The following UQCC1 variants were observed in gnomAD, a reference collection of about 807,000 sequenced individuals.
The protein encoded by UQCC1 is bFGF-repressed Zic-binding protein.
UQCC1 carries 38 observed loss-of-function variants against 48.0 expected under a neutral mutation model. The ratio of observed to expected loss-of-function variants is 0.79; its 90% confidence interval spans 0.61 to 1.04. UQCC1 has a LOEUF of 1.04. UQCC1 is among the 50% of genes least tolerant of loss of function. The probability of loss-of-function intolerance (pLI) is 0.00; values close to 1 mark genes in which losing one functional copy is unlikely to be tolerated. For synonymous variants in UQCC1, 111 were observed against 129.2 expected (o/e 0.86, Z 0.95); for missense variants, 368 against 381.8 (o/e 0.96, Z 0.30).
intron 7 of UQCC1, among the ~76,000 whole-genome samples, chr20:35,326,518 C>T (rs368454311): frequency 6.6e-6 from 1 of 152,182 alleles, no homozygotes; most frequent in Non-Finnish European, 1.5e-5. Context: ...GCCCGGCAGG[C>T]GTCTCCAGTG....
chr20:35,339,929 G>A (rs979464929), intron 7 of UQCC1, among the ~76,000 whole-genome samples: 2 of 152,062 alleles, frequency 1.3e-5, no homozygotes, highest in Non-Finnish European at 2.9e-5. Flanking sequence ...ACCATTTGAA[G>A]TTCCAGATAT....
chr20:35,358,302 C>T (rs996709625), intron 6 of UQCC1, among the ~76,000 whole-genome samples: 3 of 133,742 alleles, frequency 2.2e-5, no homozygotes, highest in South Asian at 2.4e-4. Context: ...AGCAGTGAGC[C>T]GAGACTGTGC....
At chr20:35,339,298 C>A (rs1263679467) in intron 7 of UQCC1, among the ~76,000 whole-genome samples, 1 of 152,138 alleles carries the variant, frequency 6.6e-6, no homozygotes, top group Admixed American at 6.5e-5. Context: ...CTTATCCCAT[C>A]TAACAGGAGT....
intron 7 of UQCC1, among the ~76,000 whole-genome samples, chr20:35,339,239 T>C (rs1055094060): frequency 6.6e-6 from 1 of 151,954 alleles, no homozygotes; most frequent in Non-Finnish European, 1.5e-5. Context: ...CATATTTGAG[T>C]AGTGACTACG....
intron 7 of UQCC1, among the ~76,000 whole-genome samples, chr20:35,330,047 C>T (rs1350220840): frequency 1.3e-5 from 2 of 152,208 alleles, no homozygotes; most frequent in Non-Finnish European, 2.9e-5. Context: ...AGTTCACTCA[C>T]TCATTCACCA....
intron 1 of UQCC1, 138 bp from the exon 2 acceptor site, chr20:35,394,334 C>T: frequency 6.8e-6 from 5 of 730,356 alleles, no homozygotes; most frequent in Non-Finnish European, 1.1e-5. Context: ...CACAGAGCTC[C>T]TAAAACCCTT....
At chr20:35,325,311 T>A (rs550730507) in intron 7 of UQCC1, among the ~76,000 whole-genome samples, 1 of 152,352 alleles carries the variant, frequency 6.6e-6, no homozygotes, top group South Asian at 2.1e-4. Context: ...TGCCACTGAA[T>A]TGAGCATTTA....
intron 2 of UQCC1, among the ~76,000 whole-genome samples, chr20:35,387,365 C>T (rs1028663638): frequency 2.6e-5 from 4 of 152,086 alleles, no homozygotes; most frequent in Non-Finnish European, 4.4e-5. Context: ...CAAACTCAAG[C>T]GATTCTTGAA....
At chr20:35,367,505 T>A (rs2061683259) in intron 5 of UQCC1, among the ~76,000 whole-genome samples, 2 of 152,130 alleles carry the variant, frequency 1.3e-5, no homozygotes, top group South Asian at 4.1e-4. Context: ...ACACTTGTAA[T>A]CCCAGCACTT....
intron 7 of UQCC1, among the ~76,000 whole-genome samples, chr20:35,325,973 C>T (rs185565874): frequency 4.6e-5 from 7 of 152,052 alleles, no homozygotes; most frequent in Non-Finnish European, 4.4e-5. Context: ...TGGCCCTGAA[C>T]GCCAGCCACA....
rs1459454473 is a variant in UQCC1, at chr20:35,330,032, CTG to C, written c.574-15269_574-15268del. ...AAGAAGATAGGGTTAGGAATAGACT[CTG>C]TGAGTTCACTCACTCATTCACCATT... On this transcript the variant is annotated intron_variant, in intron 7 of 9. Coordinates refer to ENST00000374385, the MANE Select transcript of UQCC1 (RefSeq NM_018244.5). Among the ~76,000 whole-genome samples the C allele has an allele frequency of 3.3e-5, 5 of 152,214 alleles. No individual in the cohort carries two copies. The East Asian group carries it at 9.6e-4, about 29-fold the overall frequency.
intron 6 of UQCC1, among the ~76,000 whole-genome samples, chr20:35,355,403 A>T (rs907616773): frequency 4.6e-5 from 7 of 152,228 alleles, no homozygotes; most frequent in African/African-American, 1.7e-4. Flanking sequence ...TACAACATTC[A>T]GCTAATTAAA....
At chr20:35,356,085 C>T (rs943194183) in intron 6 of UQCC1, among the ~76,000 whole-genome samples, 2 of 152,136 alleles carry the variant, frequency 1.3e-5, no homozygotes, top group Admixed American at 6.5e-5. Context: ...GATGGGGTTT[C>T]GCCACGTTGC....
rs192651775 is a variant in UQCC1 at position 35,313,987 on chromosome 20, C to T, written c.651+701G>A. 5.3e-5 allele frequency among the ~76,000 whole-genome samples: 8 copies of T among 151,996 alleles called. 1 individual carries two copies. Among genetic ancestry groups the T allele is most frequent in the East Asian group, 3.9e-4 (2 of 5,172 alleles). On this transcript the variant is annotated intron_variant, in intron 8 of 9. Coordinates refer to ENST00000374385, the MANE Select transcript of UQCC1 (RefSeq NM_018244.5). ...TTTATTTATTTATCTTTTTTTGAGA[C>T]GGAGTCTCACTCTGTCACCCAGGCT... is the stretch of plus-strand genomic sequence containing the variant.
intron 6 of UQCC1, among the ~76,000 whole-genome samples, chr20:35,361,109 T>C (rs929535790): frequency 2.0e-5 from 3 of 152,066 alleles, no homozygotes; most frequent in African/African-American, 4.8e-5. Flanking sequence ...CAGTCTTTTT[T>C]CAGTGGACAT....
At chr20:35,370,387 A>G (rs576375964) in intron 5 of UQCC1, among the ~76,000 whole-genome samples, 1 of 152,168 alleles carries the variant, frequency 6.6e-6, no homozygotes, top group Admixed American at 6.5e-5. Flanking sequence ...ACTCTTTAGA[A>G]TCCAAGCCAC....
chr20:35,366,293 T>A (rs2061665425), intron 6 of UQCC1, among the ~76,000 whole-genome samples: 1 of 152,014 alleles, frequency 6.6e-6, no homozygotes, highest in Non-Finnish European at 1.5e-5. Flanking sequence ...GCTCATAGAG[T>A]GTGTTAAGAG....
chr20:35,343,765 C>A (rs113789859), intron 7 of UQCC1, among the ~76,000 whole-genome samples: 112 of 152,190 alleles, frequency 7.4e-4, no homozygotes, highest in Non-Finnish European at 1.4e-3. Flanking sequence ...TCCCCTACCC[C>A]ACCCTGCGTC....
At chr20:35,400,585 T>C (rs1043588410) in intron 1 of UQCC1, among the ~76,000 whole-genome samples, 1 of 151,000 alleles carries the variant, frequency 6.6e-6, no homozygotes, top group Admixed American at 6.6e-5. Flanking sequence ...AAGCTCCGCC[T>C]CCCAGGTTCA....
Sources: gnomAD v4.1 joint callset for allele counts (sites outside exome capture counted in the v4.1 genomes callset) on GRCh38, gnomAD v4.1.1 for gene constraint, MANE v1.5 for transcripts, NCBI Gene and HGNC (gene_info 2026-07-23, HGNC 2026-07-21) for gene names.